The following MID1 variants were observed in gnomAD, a reference collection of about 807,000 sequenced individuals.
MID1 encodes E3 ubiquitin-protein ligase Midline-1.
In MID1, 7 loss-of-function variants were observed where a neutral mutation model predicts 40.4. The observed-to-expected ratio is 0.17, with a 90% confidence interval of 0.10 to 0.33. The LOEUF is 0.33. Ranked by LOEUF, MID1 falls within the 10% of genes least tolerant of loss-of-function variation. The pLI is 1.00. For synonymous variants in MID1, 229 were observed against 221.2 expected (o/e 1.04, Z -0.31); for missense variants, 367 against 558.5 (o/e 0.66, Z 3.46).
chrX:10,455,291 T>C lies in MID1; in HGVS notation c.1448-214A>G, dbSNP rs187684155. 1.2e-3 allele frequency among the ~76,000 whole-genome samples: 130 copies of C among 112,118 alleles called. 1 individual carries two copies. The highest frequency in any genetic ancestry group is 2.2e-3 in the Non-Finnish European group (119 of 53,294). On this transcript the variant is annotated intron_variant, in intron 8 of 9. Coordinates refer to ENST00000317552, the MANE Select transcript of MID1 (RefSeq NM_000381.4). ...AAGACATTTGCTTGCAAAGTTTTCA[T>C]AATATTCAAAAGACAATAGAGAGCA...
chrX:10,605,687 A>C (rs1336839957), intron 1 of MID1, among the ~76,000 whole-genome samples: 1 of 111,782 alleles, frequency 8.9e-6, no homozygotes, highest in Non-Finnish European at 1.9e-5. Context: ...CTATGAAACT[A>C]ATACATTTTT....
intron 1 of MID1, among the ~76,000 whole-genome samples, chrX:10,740,142 T>G (rs2043513607): frequency 2.7e-5 from 3 of 112,952 alleles, no homozygotes; most frequent in Non-Finnish European, 3.7e-5. Flanking sequence ...TTTTTCTTTT[T>G]CTTTTTTGCG....
chrX:10,720,296 T>C (rs1319208791), intron 1 of MID1, among the ~76,000 whole-genome samples: 2 of 111,142 alleles, frequency 1.8e-5, no homozygotes, highest in Non-Finnish European at 3.8e-5. Context: ...TGCAACCTAC[T>C]CATCTGACAA....
intron 1 of MID1, among the ~76,000 whole-genome samples, chrX:10,573,823 G>A (rs960610768): frequency 4.5e-5 from 5 of 111,711 alleles, no homozygotes; most frequent in East Asian, 2.8e-4. Context: ...TCTGGAACCC[G>A]GTTTAGCACT....
chrX:10,511,016 G>A (rs1352300116), intron 3 of MID1, among the ~76,000 whole-genome samples: 1 of 109,225 alleles, frequency 9.2e-6, no homozygotes, highest in African/African-American at 3.3e-5. Flanking sequence ...AGGCCAAGGC[G>A]GGCAGATCAC....
upstream of MID1, among the ~76,000 whole-genome samples, chrX:10,624,350 T>G (rs1223707248): frequency 8.9e-6 from 1 of 112,261 alleles, no homozygotes; most frequent in East Asian, 2.8e-4. Flanking sequence ...GGAAAAAATC[T>G]ATGTAGTCAG....
chrX:10,482,167 G>A (rs768391305), intron 5 of MID1, among the ~76,000 whole-genome samples: 2 of 111,827 alleles, frequency 1.8e-5, no homozygotes, highest in Non-Finnish European at 3.8e-5. Context: ...ACATCTGAGA[G>A]TCACAATAAA....
At chrX:10,803,295 ATAAG>A (rs1219351727) in intron 1 of MID1, among the ~76,000 whole-genome samples, 10 of 111,016 alleles carry the variant, frequency 9.0e-5, no homozygotes, top group South Asian at 3.8e-4. Flanking sequence ...ATTAAGTGAC[ATAAG>A]TAAGATGCTT....
At chrX:10,613,732 T>TATATATATATATAGAG (rs1482081086) in intron 1 of MID1, among the ~76,000 whole-genome samples, 5 of 17,478 alleles carry the variant, frequency 2.9e-4, no homozygotes, top group African/African-American at 3.6e-4. Flanking sequence ...TATATATATA[T>TATATATATATATAGAG]AGAGAGAGAG....
chrX:10,516,449 CT>C (rs928131931), intron 3 of MID1, among the ~76,000 whole-genome samples: 1 of 110,341 alleles, frequency 9.1e-6, no homozygotes, highest in Non-Finnish European at 1.9e-5. Flanking sequence ...CCACCTGGGC[CT>C]CCCAAAGTGC....
chrX:10,695,572 C>G (rs2043157898), intron 1 of MID1, among the ~76,000 whole-genome samples: 1 of 112,448 alleles, frequency 8.9e-6, no homozygotes, highest in Non-Finnish European at 1.9e-5. Context: ...TTTTGAAAAA[C>G]CCTAGCCTCT....
chrX:10,645,435 C>A (rs987887827), intron 1 of MID1, among the ~76,000 whole-genome samples: 6 of 111,995 alleles, frequency 5.4e-5, no homozygotes, highest in African/African-American at 1.9e-4. Flanking sequence ...CAGTTGGTCA[C>A]CTTTGATTGG....
intron 1 of MID1, among the ~76,000 whole-genome samples, chrX:10,758,416 G>T (rs1439955276): frequency 1.9e-5 from 2 of 107,057 alleles, no homozygotes; most frequent in African/African-American, 6.9e-5. Flanking sequence ...GTTTTTTCAG[G>T]TCTCCAAATG....
rs771662096 is a variant in MID1, at chrX:10,694,511, A to T, written c.-186-74092T>A. 1.2e-3 allele frequency among the ~76,000 whole-genome samples: 135 copies of T among 112,201 alleles called. 1 individual carries two copies. The highest frequency in any genetic ancestry group is 1.8e-3 in the Non-Finnish European group (95 of 53,239). On this transcript the variant is annotated intron_variant, in intron 1 of 10. Transcript: ENST00000380785. Reference sequence around the variant, plus strand: ...TGCAAGTCCCCAGGCACCAAACCTAAGAGTGTAGGGGAAAAGTTTTTCCTC... The same window carrying T: ...TGCAAGTCCCCAGGCACCAAACCTATGAGTGTAGGGGAAAAGTTTTTCCTC...
At chrX:10,696,460 G>A (rs5979343) in intron 1 of MID1, among the ~76,000 whole-genome samples, 10,270 of 110,917 alleles carry the variant, frequency 0.093, 763 homozygotes, top group African/African-American at 0.25. Context: ...TCTTCCAAGT[G>A]TACTTTACTT....
chrX:10,524,905 G>A (rs975594173), intron 2 of MID1, among the ~76,000 whole-genome samples: 1 of 111,979 alleles, frequency 8.9e-6, no homozygotes, highest in East Asian at 2.8e-4. Flanking sequence ...GAACAATGTC[G>A]TATGCCAACA....
intron 1 of MID1, among the ~76,000 whole-genome samples, chrX:10,817,639 T>G (rs1243959894): frequency 1.9e-5 from 2 of 102,987 alleles, no homozygotes; most frequent in Non-Finnish European, 3.9e-5. Context: ...TTTTTTTTTT[T>G]GACAGAGTCT....
intron 4 of MID1, among the ~76,000 whole-genome samples, chrX:10,487,526 A>T (rs1475925978): frequency 9.0e-6 from 1 of 111,568 alleles, no homozygotes; most frequent in Non-Finnish European, 1.9e-5. Flanking sequence ...TAAAGTGCAA[A>T]TTTGACACTT....
chrX:10,796,773 C>T (rs2043970753), intron 1 of MID1, among the ~76,000 whole-genome samples: 1 of 110,320 alleles, frequency 9.1e-6, no homozygotes, highest in African/African-American at 3.3e-5. Context: ...CCTTTCTATG[C>T]TTGAAGGGGC....
Sources: allele counts gnomAD v4.1 joint callset (sites outside exome capture counted in the v4.1 genomes callset), GRCh38; gene constraint gnomAD v4.1.1; transcripts MANE v1.5; gene names NCBI Gene and HGNC (gene_info 2026-07-23, HGNC 2026-07-21).